Variants in LINGO1 observed in about 807,000 individuals in gnomAD.
LINGO1 encodes leucine rich repeat and Ig domain containing 1, also known as leucine-rich repeat and immunoglobulin-like domain-containing nogo receptor-interacting protein 1.
In LINGO1, 11 loss-of-function variants were observed where a neutral mutation model predicts 37.3. The ratio of observed to expected loss-of-function variants is 0.29; its 90% CI spans 0.19 to 0.49. The LOEUF is 0.49. Ranked by LOEUF, LINGO1 falls within the 20% of genes least tolerant of loss-of-function variation. The probability of loss-of-function intolerance (pLI) is 0.99; values close to 1 mark genes in which losing one functional copy is unlikely to be tolerated. For synonymous variants in LINGO1, 387 were observed against 403.0 expected (o/e 0.96, Z 0.48); for missense variants, 585 against 878.2 (o/e 0.67, Z 4.22).
At chr15:77,721,639 T>C (rs2076051079) in intron 2 of LINGO1, among the ~76,000 whole-genome samples, 1 of 152,220 alleles carries the variant, frequency 6.6e-6, no homozygotes. Flanking sequence ...CCTACCACAG[T>C]GCTTGGCTCC....
At chr15:77,790,979 C>A (rs2141444810), upstream of LINGO1, among the ~76,000 whole-genome samples, 1 of 152,314 alleles carries the variant, frequency 6.6e-6, no homozygotes, top group Non-Finnish European at 1.5e-5. Context: ...TCCAACCTGG[C>A]TGACCATCAA....
chr15:77,633,129 AGGCGAGG>A (rs1158895956), upstream of LINGO1, among the ~76,000 whole-genome samples: 1 of 151,386 alleles, frequency 6.6e-6, no homozygotes, highest in Non-Finnish European at 1.5e-5. Context: ...AGGGGTGCGC[AGGCGAGG>A]GGCGCACCAG....
At chr15:77,692,578 C>T (rs1044638358) in intron 1 of LINGO1, among the ~76,000 whole-genome samples, 11 of 152,278 alleles carry the variant, frequency 7.2e-5, no homozygotes, top group South Asian at 2.1e-4. Flanking sequence ...CGGATGCATC[C>T]GAGAGACCTC....
At chr15:77,747,882 A>C (rs1028215099) in intron 1 of LINGO1, among the ~76,000 whole-genome samples, 1 of 152,070 alleles carries the variant, frequency 6.6e-6, no homozygotes, top group Non-Finnish European at 1.5e-5. Context: ...TCAGTGGAGG[A>C]AGGAGGCAGG....
intron 3 of LINGO1, among the ~76,000 whole-genome samples, chr15:77,670,373 A>T (rs1007529728): frequency 1.3e-5 from 2 of 152,262 alleles, no homozygotes; most frequent in African/African-American, 4.8e-5. Context: ...AATTTTTTAA[A>T]ACCAAATTGT....
In LINGO1 at chr15:77,808,874, G is replaced by A. The variant is rs553562154; in HGVS notation, c.-458+11384C>T. Among the ~76,000 whole-genome samples, 115 of 152,228 alleles carry A rather than the reference G, an allele frequency of 7.6e-4. 1 individual carries two copies. In the South Asian group the frequency reaches 0.015, roughly 20 times the overall value. On this transcript the variant is annotated intron_variant, in intron 1 of 5. Transcript: ENST00000562933. ...TGAACTCTCCTCTGCCCTATTTCAC[G>A]CTCAACCCTCAGGTGTGACTCCCCA... is the stretch of plus-strand genomic sequence containing the variant.
intron 1 of LINGO1, among the ~76,000 whole-genome samples, chr15:77,773,510 C>T (rs930690708): frequency 1.3e-5 from 2 of 152,098 alleles, no homozygotes; most frequent in African/African-American, 4.8e-5. Context: ...TGTGCCTGGC[C>T]TCCTGTGCCC....
chr15:77,673,962 C>A (rs2141211137), intron 3 of LINGO1, among the ~76,000 whole-genome samples: 1 of 152,182 alleles, frequency 6.6e-6, no homozygotes, highest in South Asian at 2.1e-4. Flanking sequence ...AGCAAAAAGT[C>A]ACCCGTTTTC....
At chr15:77,634,170 T>C (rs2074347277), upstream of LINGO1, 1 of 449,608 alleles carries the variant, frequency 2.2e-6, no homozygotes, top group Admixed American at 2.4e-5. Flanking sequence ...CTGCGCAACA[T>C]CATTGCAGAG....
intron 1 of LINGO1, among the ~76,000 whole-genome samples, chr15:77,784,153 C>T (rs987677254): frequency 1.3e-5 from 2 of 152,248 alleles, no homozygotes; most frequent in African/African-American, 4.8e-5. Flanking sequence ...GGGGGACTGG[C>T]AGGCCGGGGT....
intron 2 of LINGO1, among the ~76,000 whole-genome samples, chr15:77,723,882 G>A (rs759492920): frequency 1.4e-4 from 21 of 152,142 alleles, no homozygotes; most frequent in East Asian, 3.9e-4. Flanking sequence ...AAGTCGGGGC[G>A]CGGGGGCGGG....
At chr15:77,694,923 G>T (rs2075664357) in intron 1 of LINGO1, among the ~76,000 whole-genome samples, 1 of 152,146 alleles carries the variant, frequency 6.6e-6, no homozygotes, top group Non-Finnish European at 1.5e-5. Flanking sequence ...GGTCTCCCCG[G>T]GGGGCCTGGG....
rs766923973 is a variant in LINGO1, at chr15:77,750,579, C to T, written c.-256-15526G>A. Among the ~76,000 whole-genome samples the T allele has an allele frequency of 5.1e-4, 78 of 152,260 alleles. No homozygotes were observed. In the Middle Eastern group the frequency reaches 0.01, roughly 20 times the overall value. On this transcript the variant is annotated intron_variant, in intron 1 of 3. Coordinates refer to the LINGO1 transcript ENST00000561686. The stretch of plus-strand genomic sequence containing the variant: ...CTGTCTATCTCTCCCACCTCCTGGG[C>T]CTGCTTCTGGTCTGGTCCACCCACC...
intron 1 of LINGO1, among the ~76,000 whole-genome samples, chr15:77,771,175 TC>T (rs1366632950): frequency 6.6e-6 from 1 of 152,200 alleles, no homozygotes; most frequent in Non-Finnish European, 1.5e-5. Context: ...CCCCTGGACC[TC>T]CAAGTTTGTC....
intron 1 of LINGO1, among the ~76,000 whole-genome samples, chr15:77,619,129 C>A (rs2073838623): frequency 7.9e-6 from 1 of 126,734 alleles, no homozygotes; most frequent in Non-Finnish European, 1.6e-5. Context: ...CAGCATTTGG[C>A]ATCTCTCCTG....
At chr15:77,757,878 T>C (rs1157416901) in intron 1 of LINGO1, among the ~76,000 whole-genome samples, 1 of 152,220 alleles carries the variant, frequency 6.6e-6, no homozygotes, top group Non-Finnish European at 1.5e-5. Context: ...CTCCGGCTCA[T>C]TAGCCCAGAC....
At chr15:77,765,234 G>A (rs925409781) in intron 1 of LINGO1, among the ~76,000 whole-genome samples, 9 of 152,044 alleles carry the variant, frequency 5.9e-5, no homozygotes, top group African/African-American at 2.2e-4. Flanking sequence ...GGCCAACATG[G>A]TGAAACCCCG....
At chr15:77,659,536 A>G (rs1351783807) in intron 3 of LINGO1, among the ~76,000 whole-genome samples, 3 of 152,202 alleles carry the variant, frequency 2.0e-5, no homozygotes, top group Non-Finnish European at 4.4e-5. Flanking sequence ...GGAGGCTCAG[A>G]GAGGGCATGT....
chr15:77,760,916 CTTTTTTTTTTTTTTTTTT>C (rs34524098), intron 1 of LINGO1, among the ~76,000 whole-genome samples: 3 of 96,424 alleles, frequency 3.1e-5, no homozygotes, highest in African/African-American at 1.5e-4. Flanking sequence ...TAATAAGTAT[CTTTTTTTTTTTTTTTTTT>C]TTTTTTTTTG....
Sources: allele counts gnomAD v4.1 joint callset (sites outside exome capture counted in the v4.1 genomes callset), GRCh38; gene constraint gnomAD v4.1.1; transcripts MANE v1.5; gene names NCBI Gene and HGNC (gene_info 2026-07-23, HGNC 2026-07-21).